WDR70: variants seen among roughly 807,000 people sequenced by gnomAD.
WDR70 encodes WD repeat-containing protein 70.
WDR70 carries 53 observed loss-of-function variants against 88.6 expected under a neutral mutation model. The ratio of observed to expected loss-of-function variants is 0.60; its 90% CI spans 0.48 to 0.75. WDR70 has a LOEUF of 0.75. WDR70 is among the 30% of genes least tolerant of loss of function. The pLI, the probability that WDR70 is intolerant of heterozygous loss-of-function variation, is 0.00. For synonymous variants in WDR70, 280 were observed against 270.0 expected, an observed-to-expected ratio of 1.04 and a Z score of -0.36; for missense variants, 610 against 823.2, an observed-to-expected ratio of 0.74 and a Z score of 3.17.
At chr5:37,690,006 G>A (rs1212093984) in intron 10 of WDR70, among the ~76,000 whole-genome samples, 1 of 152,186 alleles carries the variant, frequency 6.6e-6, no homozygotes, top group Admixed American at 6.5e-5. Context: ...ACAGTGTAGA[G>A]AAGACCTTAA....
intron 5 of WDR70, among the ~76,000 whole-genome samples, chr5:37,434,015 A>G (rs1750392700): frequency 6.6e-6 from 1 of 152,226 alleles, no homozygotes; most frequent in South Asian, 2.1e-4. Context: ...ACTGCTATGA[A>G]GAAATACACA....
At chr5:37,725,720 A>AT (rs904118060) in intron 16 of WDR70, among the ~76,000 whole-genome samples, 3 of 151,832 alleles carry the variant, frequency 2.0e-5, no homozygotes, top group Non-Finnish European at 2.9e-5. Context: ...TCCAAAAAAG[A>AT]TTTTTTCTTG....
At chr5:37,495,289 C>T (rs752188736) in intron 8 of WDR70, among the ~76,000 whole-genome samples, 14 of 152,198 alleles carry the variant, frequency 9.2e-5, no homozygotes, top group Non-Finnish European at 1.8e-4. Flanking sequence ...TTCGTCTCTT[C>T]TTGGGGGTAG....
intron 9 of WDR70, among the ~76,000 whole-genome samples, chr5:37,531,522 G>A (rs1173347638): frequency 2.0e-5 from 3 of 150,384 alleles, no homozygotes; most frequent in Non-Finnish European, 3.0e-5. Context: ...TGTTGGATTA[G>A]TCCTTTTTAT....
At chr5:37,531,587 CTTTTTTTTTT>C (rs149831770) in intron 9 of WDR70, among the ~76,000 whole-genome samples, 35 of 77,738 alleles carry the variant, frequency 4.5e-4, no homozygotes, top group Admixed American at 4.1e-3. Context: ...TAAAGTTTTT[CTTTTTTTTTT>C]TTTTTTTTTT....
intron 5 of WDR70, among the ~76,000 whole-genome samples, chr5:37,415,891 G>A (rs1356578684): frequency 1.3e-5 from 2 of 150,988 alleles, no homozygotes; most frequent in Non-Finnish European, 3.0e-5. Flanking sequence ...GGGCAGAGAC[G>A]CTCCCCACAT....
At chr5:37,686,723 C>G (rs1210156115) in intron 10 of WDR70, among the ~76,000 whole-genome samples, 1 of 151,770 alleles carries the variant, frequency 6.6e-6, no homozygotes, top group Admixed American at 6.6e-5. Context: ...TGACCATCTG[C>G]TGAGAAAAGA....
At position 37,752,800 on chromosome 5, in the gene WDR70, G is replaced by C; in HGVS notation, c.*227G>C. ...CAGATAAACAAGAAACAGATTCTTA[G>C]TCTATTACCAAGTACTTTAGGTATT... On this transcript the variant is annotated 3_prime_UTR_variant, in exon 18 of 18. Coordinates refer to ENST00000265107, the MANE Select transcript of WDR70 (RefSeq NM_018034.4). The C allele has an allele frequency of 2.3e-6, 1 of 429,058 alleles. No homozygotes were observed. Among genetic ancestry groups the C allele is most frequent in the Non-Finnish European group, 4.1e-6 (1 of 244,308 alleles). The allele number at this position is 429,058 out of a possible 1,614,324, so 26.6% of individuals were successfully genotyped here.
chr5:37,693,812 T>A (rs947028315), intron 10 of WDR70, among the ~76,000 whole-genome samples: 4 of 152,158 alleles, frequency 2.6e-5, no homozygotes, highest in Non-Finnish European at 5.9e-5. Context: ...ACTTCATGAC[T>A]AAAACACCAA....
intron 7 of WDR70, 88 bp from the exon 8 acceptor site, chr5:37,479,746 A>G (rs1739601566): frequency 2.9e-6 from 4 of 1,401,606 alleles, no homozygotes; most frequent in Non-Finnish European, 3.9e-6. Context: ...CATTTGTGTA[A>G]CATTTTTTTT....
intron 9 of WDR70, among the ~76,000 whole-genome samples, chr5:37,594,739 A>AC (rs1304280918): frequency 1.3e-5 from 2 of 152,176 alleles, no homozygotes; most frequent in Non-Finnish European, 2.9e-5. Flanking sequence ...CAGTATGGCC[A>AC]TTTTCACAAT....
chr5:37,480,770 A>G (rs1431131109), intron 8 of WDR70, among the ~76,000 whole-genome samples: 2 of 152,042 alleles, frequency 1.3e-5, no homozygotes, highest in East Asian at 1.9e-4. Flanking sequence ...AAAACCAATC[A>G]TGCCTTCCCC....
chr5:37,415,585 G>A (rs1293289208), intron 5 of WDR70, among the ~76,000 whole-genome samples: 2 of 139,638 alleles, frequency 1.4e-5, no homozygotes, highest in African/African-American at 5.2e-5. Context: ...CCTCCCTCCC[G>A]GACGGGGCGG....
intron 3 of WDR70, among the ~76,000 whole-genome samples, chr5:37,389,790 CTT>C (rs1748756196): frequency 1.3e-5 from 2 of 152,158 alleles, no homozygotes; most frequent in South Asian, 4.2e-4. Flanking sequence ...ATTGTTGACT[CTT>C]GACCCGCCTC....
At chr5:37,591,210 G>C (rs1743524133) in intron 9 of WDR70, among the ~76,000 whole-genome samples, 1 of 152,076 alleles carries the variant, frequency 6.6e-6, no homozygotes, top group Non-Finnish European at 1.5e-5. Flanking sequence ...GCTCGTGCCT[G>C]TAATCCCAGC....
intron 5 of WDR70, among the ~76,000 whole-genome samples, chr5:37,397,878 C>T (rs1050486319): frequency 6.6e-5 from 10 of 151,440 alleles, no homozygotes; most frequent in Non-Finnish European, 1.2e-4. Context: ...CGCCTGTAGT[C>T]GCAGCTACTC....
chr5:37,459,137 T>G (rs1451607253), intron 7 of WDR70, among the ~76,000 whole-genome samples: 6 of 64,518 alleles, frequency 9.3e-5, no homozygotes, highest in African/African-American at 3.3e-4. Context: ...TTGAGCGGCT[T>G]TGAGTGAGAT....
At chr5:37,530,416 G>A (rs1741445849) in intron 9 of WDR70, among the ~76,000 whole-genome samples, 1 of 152,010 alleles carries the variant, frequency 6.6e-6, no homozygotes, top group Admixed American at 6.6e-5. Context: ...GAATTTAGCT[G>A]TGAATTCTTC....
At chr5:37,398,149 C>T (rs554037930) in intron 5 of WDR70, among the ~76,000 whole-genome samples, 37 of 137,630 alleles carry the variant, frequency 2.7e-4, no homozygotes, top group African/African-American at 9.8e-4. Flanking sequence ...AATGTGGTGG[C>T]GCCATCTCCG....
Sources: allele counts gnomAD v4.1 joint callset (sites outside exome capture counted in the v4.1 genomes callset), GRCh38; gene constraint gnomAD v4.1.1; transcripts MANE v1.5; gene names NCBI Gene and HGNC (gene_info 2026-07-23, HGNC 2026-07-21).